CHODL: variants seen among roughly 807,000 people sequenced by gnomAD.
CHODL encodes the protein transmembrane protein MT75.
CHODL carries 29 observed loss-of-function variants against 34.5 expected under a neutral mutation model. That is an observed-to-expected ratio of 0.84 (90% CI 0.63 to 1.15). The LOEUF is 1.15. CHODL is among the 50% of genes most tolerant of loss of function. CHODL has a pLI of 0.00. For synonymous variants in CHODL, 125 were observed against 116.1 expected (o/e 1.08, Z -0.49); for missense variants, 332 against 332.5 (o/e 1.00, Z 0.01).
intron 2 of CHODL, among the ~76,000 whole-genome samples, chr21:18,119,861 G>C (rs1010336925): frequency 4.6e-5 from 7 of 152,180 alleles, no homozygotes; most frequent in Admixed American, 6.5e-5. Flanking sequence ...AGGTCATCCA[G>C]TTCACTTGTG....
chr21:18,147,031 G>C (rs930460541), intron 2 of CHODL, among the ~76,000 whole-genome samples: 2 of 152,038 alleles, frequency 1.3e-5, no homozygotes, highest in Admixed American at 6.6e-5. Flanking sequence ...TATGTACTCT[G>C]CTTGGCAAAG....
chr21:18,163,413 A>T (rs1282629120), intron 2 of CHODL, among the ~76,000 whole-genome samples: 1 of 152,178 alleles, frequency 6.6e-6, no homozygotes, highest in African/African-American at 2.4e-5. Flanking sequence ...TGTTCTTCTT[A>T]TACTGCAGGA....
At chr21:18,007,860 G>A (rs1408820568) in intron 1 of CHODL, among the ~76,000 whole-genome samples, 1 of 152,120 alleles carries the variant, frequency 6.6e-6, no homozygotes, top group Non-Finnish European at 1.5e-5. Flanking sequence ...AACATACTTT[G>A]GGTCAATTAT....
intron 2 of CHODL, among the ~76,000 whole-genome samples, chr21:18,050,668 A>G (rs1002635626): frequency 1.3e-5 from 2 of 151,942 alleles, no homozygotes; most frequent in Non-Finnish European, 2.9e-5. Flanking sequence ...GCTAGTGTGA[A>G]GGAGAAAACT....
chr21:17,981,140 CAT>C (rs3077806), intron 1 of CHODL, among the ~76,000 whole-genome samples: 3,121 of 152,144 alleles, frequency 0.021, 122 homozygotes, highest in African/African-American at 0.071. Flanking sequence ...CTATGGAAAA[CAT>C]ATGAATAGAA....
intron 2 of CHODL, among the ~76,000 whole-genome samples, chr21:18,174,040 A>G (rs1292590237): frequency 7.5e-6 from 1 of 133,312 alleles, no homozygotes; most frequent in Non-Finnish European, 1.7e-5. Context: ...CTAAATAACC[A>G]TCCGTACTGT....
chr21:17,996,736 C>G (rs971074650), intron 1 of CHODL, among the ~76,000 whole-genome samples: 1 of 152,184 alleles, frequency 6.6e-6, no homozygotes, highest in Admixed American at 6.5e-5. Context: ...CACTCTTCAA[C>G]AAAGACTGAA....
chr21:18,190,041 A>C lies in CHODL; in HGVS notation c.-44-66468A>C, dbSNP rs554377514. Among the ~76,000 whole-genome samples the C allele has an allele frequency of 2.6e-5, 4 of 152,352 alleles. No individual in the cohort carries two copies. In the South Asian group the frequency reaches 8.3e-4, roughly 32 times the overall value. Reference sequence around the variant, plus strand: ...CTGCTCCCATACCACTGTTGTCAAAAACATTGCAAAATATGAATAAGTTAG... The same window carrying C: ...CTGCTCCCATACCACTGTTGTCAAACACATTGCAAAATATGAATAAGTTAG... On this transcript the variant is annotated intron_variant, in intron 2 of 6. Transcript: ENST00000400127.
At chr21:18,203,528 T>C (rs1251405893) in intron 2 of CHODL, among the ~76,000 whole-genome samples, 1 of 152,166 alleles carries the variant, frequency 6.6e-6, no homozygotes, top group Non-Finnish European at 1.5e-5. Flanking sequence ...TTGTTACAAT[T>C]GAAAGTATAA....
chr21:18,068,282 C>T (rs1265555592), intron 2 of CHODL, among the ~76,000 whole-genome samples: 1 of 151,726 alleles, frequency 6.6e-6, no homozygotes, highest in Non-Finnish European at 1.5e-5. Context: ...CTGCAACCTC[C>T]ACCTCCCAGG....
chr21:18,045,463 A>G (rs542257993), intron 2 of CHODL, among the ~76,000 whole-genome samples: 16 of 152,046 alleles, frequency 1.1e-4, no homozygotes, highest in African/African-American at 3.9e-4. Context: ...AGAGGTACAG[A>G]TTGGAGTTCA....
chr21:18,110,635 C>A (rs1252145477), intron 2 of CHODL, among the ~76,000 whole-genome samples: 1 of 152,100 alleles, frequency 6.6e-6, no homozygotes, highest in East Asian at 1.9e-4. Flanking sequence ...ATGACAAAAA[C>A]CACAAAATAG....
intron 1 of CHODL, among the ~76,000 whole-genome samples, chr21:17,917,687 C>G (rs984356668): frequency 6.6e-6 from 1 of 152,136 alleles, no homozygotes; most frequent in African/African-American, 2.4e-5. Flanking sequence ...TTCTATTGGC[C>G]AAACCCAACA....
chr21:18,107,483 T>C (rs1601012234), intron 2 of CHODL, among the ~76,000 whole-genome samples: 1 of 152,354 alleles, frequency 6.6e-6, no homozygotes, highest in East Asian at 1.9e-4. Flanking sequence ...ATAGCAGGCC[T>C]TGAAAGCACT....
chr21:18,249,841 C>CTAAATCACCCAGTCTCCTAAATAA, intron 1 of CHODL, among the ~76,000 whole-genome samples: 2 of 152,232 alleles, frequency 1.3e-5, no homozygotes, highest in Middle Eastern at 6.8e-3. Context: ...AAGGTTCAAA[C>CTAAATCACCCAGTCTCCTAAATAA]ACAGTTATGC....
At chr21:17,920,480 G>A (rs553051456) in intron 1 of CHODL, among the ~76,000 whole-genome samples, 2 of 152,146 alleles carry the variant, frequency 1.3e-5, no homozygotes, top group African/African-American at 4.8e-5. Flanking sequence ...GCCCAGAAAA[G>A]ATCTGCCCCC....
At chr21:18,060,719 A>AG (rs1453845218) in intron 2 of CHODL, among the ~76,000 whole-genome samples, 1 of 151,426 alleles carries the variant, frequency 6.6e-6, no homozygotes, top group East Asian at 1.9e-4. Context: ...CAAAAAAAAA[A>AG]AAAAGAAAGC....
At chr21:17,970,861 T>A (rs1406112040) in intron 1 of CHODL, among the ~76,000 whole-genome samples, 1 of 152,132 alleles carries the variant, frequency 6.6e-6, no homozygotes, top group Non-Finnish European at 1.5e-5. Flanking sequence ...CATTAGGTTT[T>A]CTCCTAATGC....
At chr21:17,964,851 A>T (rs200805) in intron 1 of CHODL, among the ~76,000 whole-genome samples, 5,072 of 152,266 alleles carry the variant, frequency 0.033, 131 homozygotes, top group Non-Finnish European at 0.049. Flanking sequence ...GCCATTTTTA[A>T]TATGTGTCAC....
Sources: allele counts gnomAD v4.1 joint callset (sites outside exome capture counted in the v4.1 genomes callset), GRCh38; gene constraint gnomAD v4.1.1; transcripts MANE v1.5; gene names NCBI Gene and HGNC (gene_info 2026-07-23, HGNC 2026-07-21).